NHERF1: variants seen among roughly 807,000 people sequenced by gnomAD.
The protein encoded by NHERF1 is NHERF family PDZ scaffold protein 1.
chr17:74,768,352 CTT>C, the NHERF1 span: 1 of 1,413,368 alleles, frequency 7.1e-7, no homozygotes, highest in Non-Finnish European at 1.0e-6. Context: ...GCATTCTGTT[CTT>C]GTGACCTGGC....
chr17:74,762,007 T>G, the NHERF1 span: 26 of 1,613,916 alleles, frequency 1.6e-5, 1 homozygote, highest in African/African-American at 3.3e-4. The surrounding 1 kb of genome is among the most constrained non-coding windows in gnomAD (Gnocchi z 4.2). Flanking sequence ...CCCCTGTCCC[T>G]GCAGCGCGAG....
the NHERF1 span, chr17:74,749,104 G>GC: frequency 3.8e-6 from 6 of 1,582,420 alleles, no homozygotes; most frequent in Admixed American, 7.4e-5. This position sits in a 1 kb window ranked among gnomAD's most constrained non-coding sequence, Gnocchi z 5.6. Context: ...TCAACGCCGT[G>GC]CGCCTGCTGG....
the NHERF1 span, among the ~76,000 whole-genome samples, chr17:74,766,106 T>C: frequency 2.0e-5 from 3 of 152,180 alleles, no homozygotes; most frequent in Non-Finnish European, 2.9e-5. Flanking sequence ...AGACAATACA[T>C]TTTTTAAACA....
At chr17:74,762,441 A>AT in the NHERF1 span, among the ~76,000 whole-genome samples, 1 of 152,082 alleles carries the variant, frequency 6.6e-6, no homozygotes, top group African/African-American at 2.4e-5. The surrounding 1 kb of genome is among the most constrained non-coding windows in gnomAD (Gnocchi z 4.2). Context: ...GCAGCCTGTG[A>AT]TTCACCCATC....
the NHERF1 span, chr17:74,766,885 G>A: frequency 2.2e-4 from 353 of 1,588,130 alleles, 1 homozygote; most frequent in Non-Finnish European, 2.9e-4. Flanking sequence ...TCCTCTCCAC[G>A]CTCTATTCCA....
At chr17:74,761,429 T>C in the NHERF1 span, among the ~76,000 whole-genome samples, 1 of 152,254 alleles carries the variant, frequency 6.6e-6, no homozygotes, top group Non-Finnish European at 1.5e-5. The surrounding 1 kb of genome is among the most constrained non-coding windows in gnomAD (Gnocchi z 4.3). Flanking sequence ...CCCTTTTGGC[T>C]GGGCCATTCG....
the NHERF1 span, among the ~76,000 whole-genome samples, chr17:74,762,831 T>G: frequency 6.6e-6 from 1 of 152,194 alleles, no homozygotes; most frequent in Admixed American, 6.5e-5. This position sits in a 1 kb window ranked among gnomAD's most constrained non-coding sequence, Gnocchi z 4.2. Context: ...GTGCTGGGAT[T>G]CCAGGCGTGA....
chr17:74,763,193 G>A, the NHERF1 span: 1 of 587,578 alleles, frequency 1.7e-6, no homozygotes, highest in Non-Finnish European at 3.0e-6. Flanking sequence ...TCAATGGGAG[G>A]ACCCCCAGCC....
chr17:74,751,484 G>A, the NHERF1 span, among the ~76,000 whole-genome samples: 462 of 152,336 alleles, frequency 3.0e-3, 3 homozygotes, highest in African/African-American at 0.01. The surrounding 1 kb of genome is among the most constrained non-coding windows in gnomAD (Gnocchi z 4.3). Context: ...AAAGTGTGGC[G>A]CAGAGAGTGG....
the NHERF1 span, among the ~76,000 whole-genome samples, chr17:74,750,208 T>C: frequency 6.6e-6 from 1 of 152,140 alleles, no homozygotes; most frequent in Non-Finnish European, 1.5e-5. Flanking sequence ...TGCCCATGTT[T>C]GGTGTTTGCC....
chr17:74,748,675 T>C, the NHERF1 span: 1 of 604,756 alleles, frequency 1.7e-6, no homozygotes, highest in South Asian at 2.1e-5. This position sits in a 1 kb window ranked among gnomAD's most constrained non-coding sequence, Gnocchi z 4.3. Flanking sequence ...TCTCGGCTCC[T>C]CGCGGCTCGC....
the NHERF1 span, among the ~76,000 whole-genome samples, chr17:74,750,875 C>T: frequency 4.2e-4 from 62 of 147,438 alleles, no homozygotes; most frequent in Non-Finnish European, 5.2e-4. Flanking sequence ...GGAGGCCTGG[C>T]ATAGCACACG....
chr17:74,750,121 A>G, the NHERF1 span, among the ~76,000 whole-genome samples: 1 of 152,222 alleles, frequency 6.6e-6, no homozygotes, highest in African/African-American at 2.4e-5. Flanking sequence ...AGCGGAGCTC[A>G]CGGTGAGCCG....
At chr17:74,768,731 C>T in the NHERF1 span, 7 of 1,324,522 alleles carry the variant, frequency 5.3e-6, no homozygotes, top group Non-Finnish European at 7.6e-6. Flanking sequence ...TCCCCAATTA[C>T]TCCCCTGAAT....
At chr17:74,758,519 G>T in the NHERF1 span, among the ~76,000 whole-genome samples, 1 of 152,232 alleles carries the variant, frequency 6.6e-6, no homozygotes, top group Non-Finnish European at 1.5e-5. This position sits in a 1 kb window ranked among gnomAD's most constrained non-coding sequence, Gnocchi z 4.3. Flanking sequence ...CTCTCTGCCA[G>T]TCTCCTCTCT....
the NHERF1 span, chr17:74,767,092 C>T: frequency 1.1e-6 from 1 of 888,650 alleles, no homozygotes; most frequent in South Asian, 1.4e-5. Flanking sequence ...CCCAGGGTCC[C>T]CAGTTCCAGC....
chr17:74,761,829 G>A, the NHERF1 span, among the ~76,000 whole-genome samples: 1 of 152,228 alleles, frequency 6.6e-6, no homozygotes, highest in South Asian at 2.1e-4. The surrounding 1 kb of genome is among the most constrained non-coding windows in gnomAD (Gnocchi z 4.3). Flanking sequence ...CTGCGGTGCT[G>A]GGTATCCACA....
the NHERF1 span, among the ~76,000 whole-genome samples, chr17:74,765,252 TTTTTTCTTTTTC>T: frequency 6.6e-6 from 1 of 152,150 alleles, no homozygotes; most frequent in South Asian, 2.1e-4. Flanking sequence ...TATTTTCTCT[TTTTTTCTTTTTC>T]TTTTTCTTTT....
chr17:74,762,247 A>C, the NHERF1 span: 1 of 1,540,454 alleles, frequency 6.5e-7, no homozygotes, highest in African/African-American at 1.4e-5. This position sits in a 1 kb window ranked among gnomAD's most constrained non-coding sequence, Gnocchi z 4.2. Flanking sequence ...GGCAGCCATC[A>C]TACCATCATG....
Sources: allele counts gnomAD v4.1 joint callset (sites outside exome capture counted in the v4.1 genomes callset), GRCh38; gene constraint gnomAD v4.1.1; non-coding constraint Gnocchi (gnomAD v3.1); transcripts MANE v1.5; gene names NCBI Gene and HGNC (gene_info 2026-07-23, HGNC 2026-07-21).